FRMD4B: variants seen among roughly 807,000 people sequenced by gnomAD.
FRMD4B encodes FERM domain containing 4B.
Under a neutral mutation model 141.5 loss-of-function variants are expected in FRMD4B, and 74 were observed. The observed-to-expected ratio is 0.52, with a 90% CI of 0.43 to 0.63. FRMD4B has a LOEUF of 0.63. FRMD4B is among the 30% of genes least tolerant of loss of function. FRMD4B has a pLI of 0.00. For synonymous variants in FRMD4B, 506 were observed against 467.9 expected, an observed-to-expected ratio of 1.08 and a Z score of -1.05; for missense variants, 1,366 against 1,253.4, an observed-to-expected ratio of 1.09 and a Z score of -1.36.
At chr3:69,242,795 C>A (rs113790064) in intron 7 of FRMD4B, among the ~76,000 whole-genome samples, 4,736 of 151,164 alleles carry the variant, frequency 0.031, 272 homozygotes, top group African/African-American at 0.11. Flanking sequence ...GAGTTCAACA[C>A]CAGCCTGGCC....
chr3:69,237,186 G>GGAA (rs1011199186), intron 7 of FRMD4B, among the ~76,000 whole-genome samples: 21 of 152,054 alleles, frequency 1.4e-4, no homozygotes, highest in Non-Finnish European at 2.8e-4. Context: ...AGGAGGAAGA[G>GGAA]GAGAGAATTG....
intron 1 of FRMD4B, among the ~76,000 whole-genome samples, chr3:69,475,898 C>A (rs1461621017): frequency 3.3e-5 from 5 of 151,800 alleles, no homozygotes; most frequent in Non-Finnish European, 7.4e-5. Context: ...GATTGCCATT[C>A]TAACTGGTGT....
chr3:69,400,918 G>C (rs148328526), intron 2 of FRMD4B, among the ~76,000 whole-genome samples: 1 of 152,106 alleles, frequency 6.6e-6, no homozygotes, highest in African/African-American at 2.4e-5. Flanking sequence ...TTCCCTGTTC[G>C]TATTTCTAAA....
intron 1 of FRMD4B, among the ~76,000 whole-genome samples, chr3:69,481,376 T>C (rs906933738): frequency 2.0e-5 from 3 of 152,190 alleles, no homozygotes; most frequent in African/African-American, 7.2e-5. Context: ...ATATTTTTTC[T>C]TTGCTCATGA....
rs904885749 is a variant in FRMD4B at position 69,172,965 on chromosome 3, A to G, written c.2985-984T>C. Among the ~76,000 whole-genome samples, 4 of 152,286 alleles carry G rather than the reference A, an allele frequency of 2.6e-5. No homozygotes were observed. In the South Asian group the frequency reaches 8.3e-4, roughly 32 times the overall value. ...ATAAAAAACAAAGCCAGATTTCATA[A>G]TTTCACACATCAGTCAGTGCAAGCA... is the stretch of plus-strand genomic sequence containing the variant. On this transcript the variant is annotated intron_variant, in intron 22 of 22. Coordinates refer to ENST00000398540, the MANE Select transcript of FRMD4B (RefSeq NM_015123.3).
At chr3:69,175,700 G>T (rs912131819) in intron 22 of FRMD4B, among the ~76,000 whole-genome samples, 1 of 150,130 alleles carries the variant, frequency 6.7e-6, no homozygotes, top group African/African-American at 2.4e-5. Context: ...TTCAGACTCA[G>T]AATTCAATGT....
In FRMD4B at chr3:69,457,229, T is replaced by G. The variant is rs191811953; in HGVS notation, c.-128-24468A>C. Among the ~76,000 whole-genome samples the G allele has an allele frequency of 3.8e-3, 575 of 152,346 alleles. 6 individuals carry two copies. The highest frequency in any genetic ancestry group is 0.013 in the African/African-American group (535 of 41,578). ...CACAGCAAGCAAAAATTTTAAGTATTGTATGAACAGGATGGTTATATTTTT... is the reference window on the plus strand; with the variant it reads ...CACAGCAAGCAAAAATTTTAAGTATGGTATGAACAGGATGGTTATATTTTT... On this transcript the variant is annotated intron_variant, in intron 1 of 5. Transcript: ENST00000459638.
intron 1 of FRMD4B, among the ~76,000 whole-genome samples, chr3:69,368,455 T>C (rs1177321208): frequency 6.6e-6 from 1 of 152,186 alleles, no homozygotes; most frequent in African/African-American, 2.4e-5. Flanking sequence ...GGCACTGTGG[T>C]TTCCCAGGCC....
chr3:69,234,288 T>C (rs1011137230), intron 7 of FRMD4B, among the ~76,000 whole-genome samples: 73 of 150,978 alleles, frequency 4.8e-4, no homozygotes, highest in Admixed American at 1.4e-3. Flanking sequence ...GTTACATAGG[T>C]GTAACAGGTG....
chr3:69,360,476 T>A (rs1703441494), intron 1 of FRMD4B, among the ~76,000 whole-genome samples: 1 of 152,182 alleles, frequency 6.6e-6, no homozygotes, highest in Non-Finnish European at 1.5e-5. Context: ...TTTCCCCAAG[T>A]TTGTTTGAAT....
At chr3:69,340,350 G>C (rs570705433) in intron 1 of FRMD4B, among the ~76,000 whole-genome samples, 1 of 152,126 alleles carries the variant, frequency 6.6e-6, no homozygotes, top group Non-Finnish European at 1.5e-5. Context: ...GGTGTCTGTT[G>C]TTCCTCTCTT....
At chr3:69,474,498 G>C (rs770203427) in intron 1 of FRMD4B, among the ~76,000 whole-genome samples, 1 of 152,116 alleles carries the variant, frequency 6.6e-6, no homozygotes, top group Admixed American at 6.5e-5. Flanking sequence ...AAAATCCCCA[G>C]CCCAAAGGAA....
chr3:69,369,138 G>T (rs1026222712), intron 1 of FRMD4B, among the ~76,000 whole-genome samples: 6 of 152,170 alleles, frequency 3.9e-5, no homozygotes, highest in Non-Finnish European at 5.9e-5. Flanking sequence ...AATGCTGAAG[G>T]TTGGTGGAAA....
Position 69,187,839 on chromosome 3 carries a change from A to G in FRMD4B, c.1850T>C (p.Leu617Pro). 1.2e-6 allele frequency: 2 copies of G among 1,612,060 alleles called. No individual in the cohort carries two copies. The highest frequency in any genetic ancestry group is 1.7e-6 in the Non-Finnish European group (2 of 1,178,502). The change falls in exon 19 of 23, where the codon CTT (leucine) becomes CCT (proline). Residue 617 changes from leucine (L) to proline (P), a missense_variant. Transcript: ENST00000398540. ...HSPRILPPKS[L>P]GIERIHFRKS... ...TCTGAAATGGATTCGCTCAATACCA[A>G]GAGACTTGGGGGGAAGAATTCTTGG...
chr3:69,486,374 C>G lies in FRMD4B; in HGVS notation c.-128-53613G>C, dbSNP rs75061343. Among the ~76,000 whole-genome samples, 5 of 152,296 alleles carry G rather than the reference C, an allele frequency of 3.3e-5. No individual in the cohort carries two copies. The East Asian group carries it at 9.7e-4, about 29-fold the overall frequency. Reference sequence around the variant, plus strand: ...GGTCTTTTATCCCTCGCCCCTCTCCCACTCCTCCCTGCAAGTCCCCAAAGT... The same window carrying G: ...GGTCTTTTATCCCTCGCCCCTCTCCGACTCCTCCCTGCAAGTCCCCAAAGT... On this transcript the variant is annotated intron_variant, in intron 1 of 5. Transcript: ENST00000459638.
chr3:69,484,896 A>C (rs1441506876), intron 1 of FRMD4B, among the ~76,000 whole-genome samples: 1 of 152,092 alleles, frequency 6.6e-6, no homozygotes, highest in Admixed American at 6.5e-5. Context: ...AAAAAGCACC[A>C]TGAGTTCTCC....
chr3:69,477,140 T>C (rs990214948), intron 1 of FRMD4B, among the ~76,000 whole-genome samples: 2 of 152,214 alleles, frequency 1.3e-5, no homozygotes, highest in Non-Finnish European at 2.9e-5. Flanking sequence ...CACAATCATG[T>C]CATCTGCAAA....
intron 18 of FRMD4B, 134 bp downstream of exon 18, chr3:69,189,762 T>C (rs1214844391): frequency 1.6e-6 from 1 of 619,736 alleles, no homozygotes; most frequent in African/African-American, 1.9e-5. Flanking sequence ...CCCAACCATT[T>C]TGCATAAATG....
intron 2 of FRMD4B, among the ~76,000 whole-genome samples, chr3:69,422,129 C>A (rs1704991871): frequency 6.6e-6 from 1 of 151,976 alleles, no homozygotes; most frequent in African/African-American, 2.4e-5. Flanking sequence ...GTGGCCCATG[C>A]CTGTAATCCC....
Sources: gnomAD v4.1 joint callset for allele counts (sites outside exome capture counted in the v4.1 genomes callset) on GRCh38, gnomAD v4.1.1 for gene constraint, MANE v1.5 for transcripts, NCBI Gene and HGNC (gene_info 2026-07-23, HGNC 2026-07-21) for gene names.